RPTOR: variants seen among roughly 807,000 people sequenced by gnomAD.
RPTOR encodes regulatory-associated protein of mTOR.
RPTOR carries 21 observed loss-of-function variants against 169.9 expected under a neutral mutation model. That is an observed-to-expected ratio of 0.12 (90% CI 0.09 to 0.18). The LOEUF is 0.18. Among genes scored for constraint, RPTOR ranks in the 10% least tolerant of loss-of-function variants. RPTOR has a pLI of 1.00. For synonymous variants in RPTOR, 732 were observed against 753.2 expected (o/e 0.97, Z 0.46); for missense variants, 1,133 against 1,855.9 (o/e 0.61, Z 7.16).
intron 4 of RPTOR, among the ~76,000 whole-genome samples, chr17:80,719,452 CAG>C (rs1240352639): frequency 2.6e-5 from 4 of 152,190 alleles, no homozygotes; most frequent in African/African-American, 9.7e-5. Flanking sequence ...GAATGTGAAT[CAG>C]AATTCTCAGC....
At chr17:80,835,562 T>G (rs1242697905) in intron 9 of RPTOR, among the ~76,000 whole-genome samples, 1 of 152,148 alleles carries the variant, frequency 6.6e-6, no homozygotes, top group Non-Finnish European at 1.5e-5. Context: ...AATTCAAAAA[T>G]CCAAAATGTT....
intron 20 of RPTOR, among the ~76,000 whole-genome samples, chr17:80,898,210 G>A (rs943041599): frequency 1.3e-5 from 2 of 152,204 alleles, no homozygotes; most frequent in African/African-American, 4.8e-5. Flanking sequence ...TTTCAGCTAA[G>A]TATTCTCATT....
intron 23 of RPTOR, among the ~76,000 whole-genome samples, chr17:80,924,622 G>A (rs113229100): frequency 0.019 from 2,880 of 151,848 alleles, 103 homozygotes; most frequent in African/African-American, 0.066. Flanking sequence ...CCAGGCCCTG[G>A]GGAGCAATGC....
intron 1 of RPTOR, among the ~76,000 whole-genome samples, chr17:80,565,108 A>T (rs1183782585): frequency 6.6e-6 from 1 of 152,172 alleles, no homozygotes; most frequent in Non-Finnish European, 1.5e-5. Flanking sequence ...TTTATGGTAG[A>T]AGGATTTCTA....
chr17:80,829,664 A>G (rs1480592554), intron 9 of RPTOR, among the ~76,000 whole-genome samples: 2 of 152,122 alleles, frequency 1.3e-5, no homozygotes, highest in African/African-American at 2.4e-5. Context: ...TGCCGCGTGC[A>G]TGGAGAGGGC....
intron 3 of RPTOR, among the ~76,000 whole-genome samples, chr17:80,653,816 C>G (rs891210086): frequency 3.9e-5 from 6 of 152,174 alleles, no homozygotes; most frequent in African/African-American, 1.4e-4. Flanking sequence ...CTGCTTGGGC[C>G]CAGGGGTCCC....
chr17:80,563,580 A>T (rs1390023179), intron 1 of RPTOR, among the ~76,000 whole-genome samples: 1 of 41,070 alleles, frequency 2.4e-5, no homozygotes, highest in Non-Finnish European at 8.0e-5. Context: ...AAAAAAAAAA[A>T]AAGATAATAA....
intron 24 of RPTOR, among the ~76,000 whole-genome samples, chr17:80,930,364 C>CTTCAG (rs2068873354): frequency 3.6e-5 from 2 of 55,356 alleles, no homozygotes; most frequent in East Asian, 4.3e-4. Flanking sequence ...CCCAGCTCAT[C>CTTCAG]CTCAGCTCAT....
In RPTOR at chr17:80,959,981, G is replaced by A. The variant is rs2069314038; in HGVS notation, c.3478-97G>A. 2.5e-5 allele frequency: 37 copies of A among 1,488,334 alleles called. No homozygotes were observed. The highest frequency in any genetic ancestry group is 3.3e-5 in the Non-Finnish European group (36 of 1,085,454). The allele number at this position is 1,488,334 out of a possible 1,614,324, so 92.2% of individuals were successfully genotyped here. A position where few individuals can be genotyped will look rare whatever the true frequency, so the allele number is the denominator to read the frequency against. On this transcript the variant is annotated intron_variant, in intron 29 of 33. Coordinates refer to ENST00000306801, the MANE Select transcript of RPTOR (RefSeq NM_020761.3). This position sits in a 1 kb window ranked among gnomAD's most constrained non-coding sequence, Gnocchi z 6.7. ...GCAGCCAGGGAGGGTGATCCCCACA[G>A]CCAGGCAGGCAGCAAGAGGGGTCCT...
intron 1 of RPTOR, among the ~76,000 whole-genome samples, chr17:80,552,927 A>G (rs542329888): frequency 5.3e-5 from 8 of 152,378 alleles, no homozygotes; most frequent in African/African-American, 1.9e-4. Context: ...GCAGACAGAG[A>G]AGGATGCTCA....
intron 7 of RPTOR, among the ~76,000 whole-genome samples, chr17:80,808,122 C>T (rs1598320018): frequency 7.0e-6 from 1 of 142,006 alleles, no homozygotes; most frequent in East Asian, 1.9e-4. Context: ...TGATAAGACC[C>T]TATCTCTACC....
Position 80,898,752 on chromosome 17 carries a change from G to A in RPTOR, c.2401+4887G>A, listed in dbSNP as rs1162483870. 6.2e-5 allele frequency among the ~76,000 whole-genome samples: 9 copies of A among 145,884 alleles called. No individual in the cohort carries two copies. The Admixed American group carries it at 6.2e-4, about 10-fold the overall frequency. On this transcript the variant is annotated intron_variant, in intron 20 of 33. Coordinates refer to ENST00000306801, the MANE Select transcript of RPTOR (RefSeq NM_020761.3). ...CCCAACCCCTGCTCACCCCGCCCCT[G>A]CTCACCCCGCCGTCTCCGTCTAGTG...
At chr17:80,826,293 G>T (rs1184270778) in intron 9 of RPTOR, among the ~76,000 whole-genome samples, 1 of 152,222 alleles carries the variant, frequency 6.6e-6, no homozygotes, top group Non-Finnish European at 1.5e-5. Context: ...AGCGGAGGAA[G>T]CGCAGTGCAG....
intron 1 of RPTOR, among the ~76,000 whole-genome samples, chr17:80,610,885 A>C (rs1365391556): frequency 6.6e-6 from 1 of 152,234 alleles, no homozygotes; most frequent in South Asian, 2.1e-4. Context: ...AGACACTTGA[A>C]TATTGTTGCA....
chr17:80,618,928 G>A (rs1347394635), intron 1 of RPTOR, among the ~76,000 whole-genome samples: 1 of 152,228 alleles, frequency 6.6e-6, no homozygotes, highest in Non-Finnish European at 1.5e-5. Flanking sequence ...GGGGATGGAA[G>A]TGAGGGGCAA....
intron 6 of RPTOR, among the ~76,000 whole-genome samples, chr17:80,768,817 G>A (rs897761508): frequency 2.0e-5 from 3 of 152,040 alleles, no homozygotes; most frequent in African/African-American, 7.2e-5. Context: ...TTTGATTTAT[G>A]TGCCTAAGCG....
At chr17:80,743,387 C>T in intron 5 of RPTOR, 2 of 985,516 alleles carry the variant, frequency 2.0e-6, no homozygotes, top group Non-Finnish European at 2.4e-6. Flanking sequence ...AGATGTCTAA[C>T]CTGAGCCGTA....
chr17:80,611,125 C>T (rs1377380448), intron 1 of RPTOR, among the ~76,000 whole-genome samples: 2 of 152,144 alleles, frequency 1.3e-5, no homozygotes, highest in Non-Finnish European at 2.9e-5. Context: ...AATTGGAAGA[C>T]CTGAAAGAAT....
intron 1 of RPTOR, among the ~76,000 whole-genome samples, chr17:80,610,805 T>C (rs1385907868): frequency 6.6e-6 from 1 of 152,182 alleles, no homozygotes; most frequent in African/African-American, 2.4e-5. Context: ...AAAGTTCTTT[T>C]TGACTTCTGT....
Sources: gnomAD v4.1 joint callset for allele counts (sites outside exome capture counted in the v4.1 genomes callset) on GRCh38, gnomAD v4.1.1 for gene constraint, Gnocchi (gnomAD v3.1) non-coding constraint, MANE v1.5 for transcripts, NCBI Gene and HGNC (gene_info 2026-07-23, HGNC 2026-07-21) for gene names.